LUZP2: variants seen among roughly 807,000 people sequenced by gnomAD.
LUZP2 encodes leucine zipper protein 2.
A neutral mutation model predicts 51.6 loss-of-function variants in LUZP2; 52 were observed. The observed-to-expected ratio is 1.01, with a 90% confidence interval of 0.81 to 1.27. LUZP2 has a LOEUF of 1.27. Ranked by LOEUF, LUZP2 falls within the 50% of genes most tolerant of loss-of-function variation. The pLI is 0.00. For synonymous variants in LUZP2, 154 were observed against 137.3 expected (o/e 1.12, Z -0.85); for missense variants, 436 against 395.4 (o/e 1.10, Z -0.87).
At chr11:24,557,261 A>T (rs1404232885) in intron 1 of LUZP2, among the ~76,000 whole-genome samples, 1 of 152,194 alleles carries the variant, frequency 6.6e-6, no homozygotes, top group Non-Finnish European at 1.5e-5. Context: ...AATAATATAC[A>T]TTATTGAATC....
chr11:24,862,795 C>T (rs183145963), intron 5 of LUZP2, among the ~76,000 whole-genome samples: 1 of 152,270 alleles, frequency 6.6e-6, no homozygotes, highest in East Asian at 1.9e-4. Context: ...ATGGAATAAA[C>T]TATTTCAAAT....
At chr11:24,683,144 A>T (rs1287197728) in intron 1 of LUZP2, among the ~76,000 whole-genome samples, 1 of 152,192 alleles carries the variant, frequency 6.6e-6, no homozygotes, top group Non-Finnish European at 1.5e-5. Context: ...TATTTACAGA[A>T]TTGTCTTCAC....
At chr11:24,629,647 A>G (rs1459715468) in intron 1 of LUZP2, among the ~76,000 whole-genome samples, 1 of 151,048 alleles carries the variant, frequency 6.6e-6, no homozygotes, top group African/African-American at 2.4e-5. Context: ...AGAGTGCCAC[A>G]ATAAACATAA....
intron 5 of LUZP2, among the ~76,000 whole-genome samples, chr11:24,849,476 T>C (rs1851317483): frequency 6.6e-6 from 1 of 152,216 alleles, no homozygotes; most frequent in African/African-American, 2.4e-5. Context: ...TTTGTATGGC[T>C]GCATAGTATT....
chr11:24,542,729 T>A (rs898116836), intron 1 of LUZP2, among the ~76,000 whole-genome samples: 1 of 122,228 alleles, frequency 8.2e-6, no homozygotes, highest in African/African-American at 3.5e-5. Context: ...TGATAATCAC[T>A]TTTATTCAAA....
At chr11:24,806,700 C>A (rs991685526) in intron 5 of LUZP2, among the ~76,000 whole-genome samples, 4 of 152,064 alleles carry the variant, frequency 2.6e-5, no homozygotes, top group African/African-American at 4.8e-5. Flanking sequence ...TGATAAAGTT[C>A]TCCTGTTATT....
intron 7 of LUZP2, among the ~76,000 whole-genome samples, chr11:24,941,904 T>C (rs935658771): frequency 6.6e-6 from 1 of 151,944 alleles, no homozygotes; most frequent in African/African-American, 2.4e-5. Context: ...AAAAAAAAAC[T>C]GACCATGGAA....
intron 1 of LUZP2, among the ~76,000 whole-genome samples, chr11:24,550,968 A>T (rs538798201): frequency 2.8e-4 from 42 of 152,128 alleles, no homozygotes; most frequent in Middle Eastern, 3.4e-3. Flanking sequence ...CACACACAAA[A>T]TGTATGTTTT....
chr11:24,851,421 A>G (rs1309024738), intron 5 of LUZP2, among the ~76,000 whole-genome samples: 10 of 152,286 alleles, frequency 6.6e-5, no homozygotes, highest in Admixed American at 2.6e-4. Context: ...ATTTGTGTAT[A>G]TTAAACCAGC....
At chr11:24,935,357 G>C (rs1565131055) in intron 7 of LUZP2, among the ~76,000 whole-genome samples, 1 of 152,132 alleles carries the variant, frequency 6.6e-6, no homozygotes, top group Non-Finnish European at 1.5e-5. Flanking sequence ...TGGGCTACTG[G>C]TATTTCAGTG....
intron 7 of LUZP2, among the ~76,000 whole-genome samples, chr11:24,949,314 ATCTATCTATCTATCTATCTC>A (rs376989986): frequency 0.077 from 9,980 of 129,012 alleles, 354 homozygotes; most frequent in African/African-American, 0.093. Flanking sequence ...CTATCTATCT[ATCTATCTATCTATCTATCTC>A]TCTATCTATC....
rs144204031 is a variant in LUZP2 at position 24,674,252 on chromosome 11, TC to T, written c.63-54916del. Among the ~76,000 whole-genome samples the T allele has an allele frequency of 3.6e-3, 552 of 152,350 alleles. 3 individuals carry two copies. Among genetic ancestry groups the T allele is most frequent in the Non-Finnish European group, 5.5e-3 (374 of 68,028 alleles). ...AAATGCCTGTCATGTGTCCAGGCTCTCTGGTTCCACTTTTATTTCCCTTTGC... is the reference window on the plus strand; with the variant it reads ...AAATGCCTGTCATGTGTCCAGGCTCTTGGTTCCACTTTTATTTCCCTTTGC... On this transcript the variant is annotated intron_variant, in intron 1 of 11. Transcript: ENST00000336930.
At position 24,716,266 on chromosome 11, in the gene LUZP2, G is replaced by A. The variant is rs151143341; in HGVS notation, c.63-12903G>A. Among the ~76,000 whole-genome samples, 147 of 152,220 alleles carry A rather than the reference G, an allele frequency of 9.7e-4. 1 individual carries two copies. Among genetic ancestry groups the A allele is most frequent in the African/African-American group, 3.4e-3 (142 of 41,536 alleles). ...CTTTGGGAAAACCAAATCTTGAGAT[G>A]TCATGGCACTACTCCAGAGCTTTGA... is the stretch of plus-strand genomic sequence containing the variant. On this transcript the variant is annotated intron_variant, in intron 1 of 11. Transcript: ENST00000336930.
chr11:24,497,226 AC>A lies in LUZP2; in HGVS notation c.-14del. The A allele has an allele frequency of 1.3e-6, 2 of 1,522,552 alleles. No individual in the cohort carries two copies. The highest frequency in any genetic ancestry group is 2.6e-5 in the East Asian group (1 of 38,440). The allele number at this position is 1,522,552 out of a possible 1,614,324, so 94.3% of individuals were successfully genotyped here. On this transcript the variant is annotated 5_prime_UTR_variant, in exon 1 of 12. Transcript: ENST00000336930. ...GAGAGAAGGCAGCGAGGGAAGGAGG[AC>A]CCCGGCAGGCAGCAGCATGAAATTC...
At chr11:24,707,183 T>TA (rs932698573) in intron 1 of LUZP2, among the ~76,000 whole-genome samples, 1 of 152,060 alleles carries the variant, frequency 6.6e-6, no homozygotes, top group Non-Finnish European at 1.5e-5. Context: ...AATGAGCCTC[T>TA]AAGATGTTAA....
chr11:24,974,061 G>T (rs889631022), intron 7 of LUZP2, among the ~76,000 whole-genome samples: 6 of 151,874 alleles, frequency 4.0e-5, no homozygotes, highest in Non-Finnish European at 8.8e-5. Flanking sequence ...TTATTGTGTG[G>T]GAGTATAAGT....
At chr11:25,063,882 A>G (rs1590889907) in intron 10 of LUZP2, among the ~76,000 whole-genome samples, 1 of 151,884 alleles carries the variant, frequency 6.6e-6, no homozygotes, top group African/African-American at 2.4e-5. Context: ...TATTAAATAA[A>G]TGGTAAACAT....
At chr11:25,025,116 C>G (rs763444096) in intron 9 of LUZP2, among the ~76,000 whole-genome samples, 5 of 152,060 alleles carry the variant, frequency 3.3e-5, no homozygotes, top group Non-Finnish European at 7.4e-5. Context: ...AAATTGGATC[C>G]CTTCCTTATA....
intron 1 of LUZP2, among the ~76,000 whole-genome samples, chr11:24,660,469 A>T (rs1378106772): frequency 2.6e-5 from 4 of 152,070 alleles, no homozygotes; most frequent in African/African-American, 7.2e-5. Flanking sequence ...TTTTGATGGA[A>T]AAAAATACCA....
Sources: gnomAD v4.1 joint callset for allele counts (sites outside exome capture counted in the v4.1 genomes callset) on GRCh38, gnomAD v4.1.1 for gene constraint, MANE v1.5 for transcripts, NCBI Gene and HGNC (gene_info 2026-07-23, HGNC 2026-07-21) for gene names.